MGAT5: variants seen among roughly 807,000 people sequenced by gnomAD.
MGAT5 encodes the protein alpha-1,6-mannosylglycoprotein 6-beta-N-acetylglucosaminyltransferase.
Under a neutral mutation model 94.3 loss-of-function variants are expected in MGAT5, and 30 were observed. That is an observed-to-expected ratio of 0.32 (90% CI 0.24 to 0.43). The LOEUF is 0.43. Among genes scored for constraint, MGAT5 ranks in the 20% least tolerant of loss-of-function variants. The probability of loss-of-function intolerance (pLI) is 1.00; values close to 1 mark genes in which losing one functional copy is unlikely to be tolerated. For missense variants in MGAT5, 691 were observed against 905.5 expected (o/e 0.76, Z 3.04); for synonymous variants, 310 against 322.9 (o/e 0.96, Z 0.43).
At chr2:134,367,084 C>T (rs1192857876) in intron 10 of MGAT5, among the ~76,000 whole-genome samples, 2 of 152,204 alleles carry the variant, frequency 1.3e-5, no homozygotes, top group South Asian at 2.1e-4. Context: ...CTGGTTTATA[C>T]ATTCAGGTGC....
chr2:134,294,137 G>T (rs1685535529), intron 2 of MGAT5, among the ~76,000 whole-genome samples: 1 of 152,146 alleles, frequency 6.6e-6, no homozygotes, highest in Admixed American at 6.5e-5. Flanking sequence ...GGAGAGAGAA[G>T]TTTTATTCTA....
intron 1 of MGAT5, among the ~76,000 whole-genome samples, chr2:134,172,674 CCA>C (rs1215091002): frequency 2.0e-5 from 3 of 152,318 alleles, no homozygotes; most frequent in East Asian, 1.9e-4. Flanking sequence ...GTGTGAGCCA[CCA>C]TGCCCAGCCA....
At chr2:134,402,282 C>T (rs543445624) in intron 10 of MGAT5, among the ~76,000 whole-genome samples, 4 of 152,298 alleles carry the variant, frequency 2.6e-5, no homozygotes, top group Admixed American at 2.0e-4. Flanking sequence ...CCTACAAATA[C>T]AAGAAAAGGG....
chr2:134,189,730 C>T (rs1418086172), intron 1 of MGAT5, among the ~76,000 whole-genome samples: 2 of 151,172 alleles, frequency 1.3e-5, no homozygotes, highest in African/African-American at 4.9e-5. Flanking sequence ...GCCTCCCGAG[C>T]AGCTGGGACT....
At chr2:134,244,321 G>A (rs1395204567) in intron 1 of MGAT5, among the ~76,000 whole-genome samples, 1 of 151,634 alleles carries the variant, frequency 6.6e-6, no homozygotes, top group African/African-American at 2.4e-5. Context: ...TTTTTTAATG[G>A]CTGTCTGATG....
intron 1 of MGAT5, among the ~76,000 whole-genome samples, chr2:134,247,344 T>TA (rs1402440932): frequency 8.5e-6 from 1 of 118,096 alleles, no homozygotes; most frequent in Non-Finnish European, 1.7e-5. Flanking sequence ...TGTGAATAGA[T>TA]ACCTGGGCCT....
intron 1 of MGAT5, among the ~76,000 whole-genome samples, chr2:134,224,410 A>C (rs752364540): frequency 6.6e-6 from 1 of 152,206 alleles, no homozygotes; most frequent in African/African-American, 2.4e-5. Context: ...GATATAGTCA[A>C]TGAAACACCT....
At chr2:134,426,370 G>C (rs1684589215) in intron 13 of MGAT5, among the ~76,000 whole-genome samples, 1 of 152,192 alleles carries the variant, frequency 6.6e-6, no homozygotes, top group Non-Finnish European at 1.5e-5. Flanking sequence ...GGCTAGGTTG[G>C]TAGGAGAACA....
intron 10 of MGAT5, among the ~76,000 whole-genome samples, chr2:134,381,536 C>CAGACAGATAGAAAGAT (rs59821586): frequency 6.8e-6 from 1 of 146,844 alleles, no homozygotes; most frequent in Non-Finnish European, 1.5e-5. Context: ...GACAGACAGA[C>CAGACAGATAGAAAGAT]AGATAGATAG....
upstream of MGAT5, among the ~76,000 whole-genome samples, chr2:134,249,398 C>T (rs1473165180): frequency 6.6e-6 from 1 of 152,156 alleles, no homozygotes; most frequent in East Asian, 1.9e-4. Context: ...TAGCTATCAC[C>T]TCTCATTTCC....
intron 12 of MGAT5, among the ~76,000 whole-genome samples, chr2:134,420,243 C>T (rs940273863): frequency 8.6e-5 from 13 of 152,012 alleles, no homozygotes; most frequent in Non-Finnish European, 1.9e-4. Context: ...AACGTTTGTG[C>T]AGGTGATTAG....
intron 1 of MGAT5, among the ~76,000 whole-genome samples, chr2:134,182,031 G>C (rs551677487): frequency 6.6e-6 from 1 of 152,252 alleles, no homozygotes; most frequent in East Asian, 1.9e-4. Flanking sequence ...AATGTAAAAC[G>C]GTGAAGAAGT....
chr2:134,356,090 A>G (rs949996070), intron 9 of MGAT5, among the ~76,000 whole-genome samples: 1 of 152,198 alleles, frequency 6.6e-6, no homozygotes, highest in Non-Finnish European at 1.5e-5. Context: ...AGTACCTGCA[A>G]CATTTTGGCT....
At chr2:134,254,005 A>G (rs1682777121), upstream of MGAT5, among the ~76,000 whole-genome samples, 1 of 152,148 alleles carries the variant, frequency 6.6e-6, no homozygotes. Context: ...TCCTGTTTTG[A>G]ATTTGGTCCA....
chr2:134,127,722 T>G (rs1685914033), intron 1 of MGAT5, among the ~76,000 whole-genome samples: 1 of 151,962 alleles, frequency 6.6e-6, no homozygotes, highest in East Asian at 1.9e-4. Context: ...TGTGGGCCGA[T>G]TCTGTGGTTA....
chr2:134,207,892 T>C (rs190012236), intron 1 of MGAT5, among the ~76,000 whole-genome samples: 2 of 152,358 alleles, frequency 1.3e-5, no homozygotes, highest in Non-Finnish European at 1.5e-5. Context: ...TTGACTCTGA[T>C]ACCTTGTTGG....
At chr2:134,284,523 A>C (rs1684890257) in intron 2 of MGAT5, among the ~76,000 whole-genome samples, 1 of 152,022 alleles carries the variant, frequency 6.6e-6, no homozygotes, top group Non-Finnish European at 1.5e-5. Context: ...AATGCAGTAC[A>C]TAGTCTGCAT....
At chr2:134,303,568 G>A (rs1364403482) in intron 2 of MGAT5, among the ~76,000 whole-genome samples, 3 of 151,714 alleles carry the variant, frequency 2.0e-5, no homozygotes, top group Admixed American at 1.3e-4. Context: ...GGCCCTTCTG[G>A]GGTTTCATGG....
intron 1 of MGAT5, among the ~76,000 whole-genome samples, chr2:134,120,614 C>G (rs1304507559): frequency 6.6e-6 from 1 of 151,936 alleles, no homozygotes; most frequent in Non-Finnish European, 1.5e-5. Context: ...TTCCTAGGGA[C>G]AGTCCAAAGG....
Sources: allele counts gnomAD v4.1 joint callset (sites outside exome capture counted in the v4.1 genomes callset), GRCh38; gene constraint gnomAD v4.1.1; transcripts MANE v1.5; gene names NCBI Gene and HGNC (gene_info 2026-07-23, HGNC 2026-07-21).